The following SGPP2 variants were observed in gnomAD, a reference collection of about 807,000 sequenced individuals.
SGPP2 encodes sphingosine-1-phosphate phosphatase 2.
Under a neutral mutation model 33.9 loss-of-function variants are expected in SGPP2, and 30 were observed. The observed-to-expected ratio is 0.89, with a 90% CI of 0.66 to 1.20. The LOEUF is 1.20. SGPP2 is among the 50% of genes most tolerant of loss of function. The pLI, the probability that SGPP2 is intolerant of heterozygous loss-of-function variation, is 0.00. For missense variants in SGPP2, 458 were observed against 532.1 expected (o/e 0.86, Z 1.37); for synonymous variants, 233 against 225.0 (o/e 1.04, Z -0.32).
At chr2:222,485,181 G>A (rs1574855398) in intron 2 of SGPP2, among the ~76,000 whole-genome samples, 2 of 152,290 alleles carry the variant, frequency 1.3e-5, no homozygotes, top group African/African-American at 2.4e-5. Context: ...CTCAGATGGC[G>A]AAACTTTACT....
chr2:222,522,324 C>A (rs1228857521), intron 3 of SGPP2, among the ~76,000 whole-genome samples: 1 of 152,136 alleles, frequency 6.6e-6, no homozygotes, highest in South Asian at 2.1e-4. Flanking sequence ...AAATGATTCT[C>A]CAGGGCTGAG....
At chr2:222,473,816 C>G (rs984596907) in intron 1 of SGPP2, among the ~76,000 whole-genome samples, 2 of 151,260 alleles carry the variant, frequency 1.3e-5, no homozygotes, top group Non-Finnish European at 2.9e-5. Context: ...CCCAGCTACT[C>G]GGGAGGCTGA....
At chr2:222,434,969 G>GAT (rs148792824) in intron 1 of SGPP2, among the ~76,000 whole-genome samples, 242 of 19,246 alleles carry the variant, frequency 0.013, 1 homozygote, top group African/African-American at 0.041. Flanking sequence ...ACAGAATGGA[G>GAT]ATATATACAC....
At chr2:222,521,723 T>G in intron 2 of SGPP2, 44 bp from the exon 3 acceptor site, 4 of 1,556,562 alleles carry the variant, frequency 2.6e-6, no homozygotes, top group Non-Finnish European at 3.5e-6. Context: ...ATGCATTCAT[T>G]TTCCTTATTT....
chr2:222,508,489 G>A (rs1698478709), intron 2 of SGPP2, among the ~76,000 whole-genome samples: 1 of 152,162 alleles, frequency 6.6e-6, no homozygotes, highest in South Asian at 2.1e-4. Context: ...TAATGTCTGT[G>A]AAAGTATACA....
intron 1 of SGPP2, among the ~76,000 whole-genome samples, chr2:222,445,446 C>T (rs1697384641): frequency 6.6e-6 from 1 of 152,204 alleles, no homozygotes; most frequent in Non-Finnish European, 1.5e-5. Context: ...TTGTCCCACA[C>T]CTGCAGTTGC....
intron 4 of SGPP2, among the ~76,000 whole-genome samples, chr2:222,551,303 C>T (rs983905212): frequency 1.3e-5 from 2 of 152,148 alleles, no homozygotes; most frequent in South Asian, 2.1e-4. Flanking sequence ...TCCCTCTGGC[C>T]TCACATACTG....
chr2:222,441,575 G>A (rs934746190), intron 1 of SGPP2, among the ~76,000 whole-genome samples: 14 of 152,178 alleles, frequency 9.2e-5, no homozygotes, highest in African/African-American at 3.4e-4. Context: ...AGGATCTGGA[G>A]TGATGAACCA....
chr2:222,497,791 A>C (rs1322909903), intron 2 of SGPP2, among the ~76,000 whole-genome samples: 1 of 152,212 alleles, frequency 6.6e-6, no homozygotes, highest in African/African-American at 2.4e-5. Context: ...GGAATTAAAT[A>C]TTGTACAACT....
At position 222,541,105 on chromosome 2, in the gene SGPP2, C is replaced by A. The variant is rs182510544; in HGVS notation, c.648+16072C>A. ...GTGCTGGGATTACAGGCGTGAGCCA[C>A]CACGTCCGGCCAGCTTATAAACTTT... is the stretch of plus-strand genomic sequence containing the variant. On this transcript the variant is annotated intron_variant, in intron 4 of 4. Coordinates refer to ENST00000321276, the MANE Select transcript of SGPP2 (RefSeq NM_152386.4). 6.2e-4 allele frequency among the ~76,000 whole-genome samples: 95 copies of A among 152,304 alleles called. No individual in the cohort carries two copies. The Middle Eastern group carries it at 0.02, about 33-fold the overall frequency.
rs78100850 is a variant in SGPP2 at position 222,483,948 on chromosome 2, C to T, written c.378+9222C>T. Among the ~76,000 whole-genome samples, 100 of 152,216 alleles carry T rather than the reference C, an allele frequency of 6.6e-4. 1 individual carries two copies. In the East Asian group the frequency reaches 0.014, roughly 22 times the overall value. Reference sequence around the variant, plus strand: ...GTCACCCTCACTAACTTGCATTGAACGGAATAGAATTAGGCGTCAGAGATT... The same window carrying T: ...GTCACCCTCACTAACTTGCATTGAATGGAATAGAATTAGGCGTCAGAGATT... On this transcript the variant is annotated intron_variant, in intron 2 of 4. Transcript: ENST00000321276.
chr2:222,431,366 T>A (rs1025678388), intron 1 of SGPP2, among the ~76,000 whole-genome samples: 3 of 151,744 alleles, frequency 2.0e-5, no homozygotes, highest in Non-Finnish European at 4.4e-5. Flanking sequence ...ATTAGCCAGG[T>A]GTGGTGGCAC....
chr2:222,460,679 TCTGCTGC>T lies in SGPP2; in HGVS notation c.220-13886_220-13880del, dbSNP rs1697644762. 1.3e-5 allele frequency among the ~76,000 whole-genome samples: 2 copies of T among 152,148 alleles called. No homozygotes were observed. The highest frequency in any genetic ancestry group is 6.5e-5 in the Admixed American group (1 of 15,278). ...TCTGGCTTTGGCCTCCACTTCTAGC[TCTGCTGC>T]CTACGACTCCCTTTACAAATCCCTC... On this transcript the variant is annotated intron_variant, in intron 1 of 4. Transcript: ENST00000321276. The surrounding 1 kb of genome is among the most constrained non-coding windows in gnomAD (Gnocchi z 4.3).
intron 2 of SGPP2, among the ~76,000 whole-genome samples, chr2:222,512,785 C>A (rs1434285619): frequency 6.6e-6 from 1 of 152,168 alleles, no homozygotes; most frequent in Admixed American, 6.5e-5. Context: ...TTAGGCTCCT[C>A]CATATCTTGT....
chr2:222,424,869 G>A (rs947040125), intron 1 of SGPP2, 48 bp downstream of exon 1: 4 of 1,273,882 alleles, frequency 3.1e-6, no homozygotes, highest in Non-Finnish European at 3.0e-6. Context: ...GGCGGCTGCG[G>A]ACGTGCGGGT....
intron 1 of SGPP2, among the ~76,000 whole-genome samples, chr2:222,434,073 G>T (rs1697198795): frequency 6.6e-6 from 1 of 152,166 alleles, no homozygotes; most frequent in Admixed American, 6.5e-5. Context: ...TCCAGCAGGA[G>T]ATTTTCTTGT....
rs767799837 is a variant in SGPP2, at chr2:222,521,814, C to T, written c.426C>T (p.Pro142=). 1.9e-6 allele frequency: 3 copies of T among 1,610,430 alleles called. 1 individual carries two copies. Among genetic ancestry groups the T allele is most frequent in the Non-Finnish European group, 2.5e-6 (3 of 1,178,798 alleles). ...GQVAKDVLKW[P]RPSSPPVVKL... is the part of the protein sequence containing the mutation. The stretch of plus-strand genomic sequence containing the variant: ...TGGCCAAGGATGTCTTGAAGTGGCC[C>T]CGTCCCTCCTCCCCTCCAGTTGTAA... The change falls in exon 3 of 5, where the codon CCC becomes CCT. Residue 142 remains proline, a synonymous_variant. Transcript: ENST00000321276.
At chr2:222,484,116 A>T (rs1698069269) in intron 2 of SGPP2, among the ~76,000 whole-genome samples, 3 of 152,054 alleles carry the variant, frequency 2.0e-5, no homozygotes, top group South Asian at 2.1e-4. Flanking sequence ...GTGTAGGTTT[A>T]AAAAAAAGAA....
At chr2:222,545,642 C>A in intron 4 of SGPP2, among the ~76,000 whole-genome samples, 1 of 146,572 alleles carries the variant, frequency 6.8e-6, no homozygotes. Context: ...AACTCTCAAA[C>A]TATTGATTTG....
Sources: gnomAD v4.1 joint callset for allele counts (sites outside exome capture counted in the v4.1 genomes callset) on GRCh38, gnomAD v4.1.1 for gene constraint, Gnocchi (gnomAD v3.1) non-coding constraint, MANE v1.5 for transcripts, NCBI Gene and HGNC (gene_info 2026-07-23, HGNC 2026-07-21) for gene names.